The following PTK7 variants were observed in gnomAD, a reference collection of about 807,000 sequenced individuals.
PTK7 encodes the protein inactive tyrosine-protein kinase 7.
In PTK7, 39 loss-of-function variants were observed where a neutral mutation model predicts 116.6. The ratio of observed to expected loss-of-function variants is 0.33; its 90% CI spans 0.26 to 0.44. The LOEUF is 0.44. PTK7 is among the 20% of genes least tolerant of loss of function. The pLI, the probability that PTK7 is intolerant of heterozygous loss-of-function variation, is 1.00. For missense variants in PTK7, 1,169 were observed against 1,425.6 expected, an observed-to-expected ratio of 0.82 and a Z score of 2.90; for synonymous variants, 546 against 563.6, an observed-to-expected ratio of 0.97 and a Z score of 0.44.
chr6:43,097,143 T>C lies in PTK7; in HGVS notation c.79+20576T>C, dbSNP rs961504601. On this transcript the variant is annotated intron_variant, in intron 1 of 19. Transcript: ENST00000230419. ...TTTAGCCTCCTCCTGCGCGGTTGCTTGCATTTCTTCCTCTCCAGGGACCTT... is the reference window on the plus strand; with the variant it reads ...TTTAGCCTCCTCCTGCGCGGTTGCTCGCATTTCTTCCTCTCCAGGGACCTT... 7.2e-5 allele frequency among the ~76,000 whole-genome samples: 11 copies of C among 152,322 alleles called. No individual in the cohort carries two copies. In the South Asian group the frequency reaches 2.3e-3, roughly 32 times the overall value.
At position 43,159,855 on chromosome 6, in the gene PTK7, G is replaced by A; in HGVS notation, c.2941G>A (p.Gly981Ser). The change falls in exon 19 of 20, where the codon GGT becomes AGT. Residue 981 changes from glycine (G) to serine (S), a missense_variant. Around this residue, in one of 3 missense-constraint regions of PTK7, gnomAD observed 678 missense variants for 853.8 expected, o/e 0.79. Transcript: ENST00000230419. ...RWMSPEAILE[G>S]DFSTKSDVWA... Reference sequence around the variant, plus strand: ...GATGTCCCCCGAGGCCATCCTGGAGGGTGACTTCTCTACCAAGTCTGATGT... The same window carrying A: ...GATGTCCCCCGAGGCCATCCTGGAGAGTGACTTCTCTACCAAGTCTGATGT... 1.2e-6 allele frequency: 2 copies of A among 1,614,204 alleles called. No individual in the cohort carries two copies. The highest frequency in any genetic ancestry group is 1.1e-5 in the South Asian group (1 of 91,086).
chr6:43,160,262 C>T (rs147069044), intron 19 of PTK7, among the ~76,000 whole-genome samples: 8 of 152,206 alleles, frequency 5.3e-5, no homozygotes, highest in Non-Finnish European at 7.4e-5. Context: ...ATTACAGGCA[C>T]GCACCTCCAC....
intron 12 of PTK7, 36 bp from the exon 13 acceptor site, chr6:43,142,136 G>T (rs760733047): frequency 6.2e-7 from 1 of 1,611,758 alleles, no homozygotes; most frequent in Non-Finnish European, 8.5e-7. Context: ...CCCCCTCCCT[G>T]CGAGCTGGCC....
At chr6:43,116,651 T>C (rs7750518) in intron 1 of PTK7, among the ~76,000 whole-genome samples, 5,250 of 77,132 alleles carry the variant, frequency 0.068, 118 homozygotes, top group African/African-American at 0.11. Context: ...TGTGTGTGTG[T>C]GCGCGCGCAC....
At position 43,158,831 on chromosome 6, in the gene PTK7, C is replaced by T; in HGVS notation, c.2736C>T (p.Thr912=). Reference sequence around the variant, plus strand: ...TATCTCTCCAGGTGGCCCTATGCACCCAGGTAGCCCTGGGCATGGAGCACC... The same window carrying T: ...TATCTCTCCAGGTGGCCCTATGCACTCAGGTAGCCCTGGGCATGGAGCACC... ...LSTKQKVALC[T]QVALGMEHLS... is the part of the protein sequence containing the mutation. The change falls in exon 18 of 20, where the codon ACC becomes ACT. Residue 912 remains threonine (T), a synonymous_variant. Coordinates refer to ENST00000230419, the MANE Select transcript of PTK7 (RefSeq NM_002821.5). 1 of 1,614,028 alleles carries T rather than the reference C, an allele frequency of 6.2e-7. No homozygotes were observed. Among genetic ancestry groups the T allele is most frequent in the Non-Finnish European group, 8.5e-7 (1 of 1,179,954 alleles).
Position 43,154,019 on chromosome 6 carries a change from C to T in PTK7, c.2722-4798C>T, listed in dbSNP as rs541034699. 1.8e-3 allele frequency among the ~76,000 whole-genome samples: 273 copies of T among 152,058 alleles called. 1 individual carries two copies. Among genetic ancestry groups the T allele is most frequent in the Non-Finnish European group, 2.7e-3 (183 of 67,982 alleles). On this transcript the variant is annotated intron_variant, in intron 17 of 19. Coordinates refer to ENST00000230419, the MANE Select transcript of PTK7 (RefSeq NM_002821.5). ...TTCTACTAAAAATAAAAAAATTAGC[C>T]GTGCATGGTGGTGGGCACCTGTAAT...
chr6:43,141,879 C>A lies in PTK7; in HGVS notation c.1769-52C>A, dbSNP rs1770432373. On this transcript the variant is annotated intron_variant, in intron 11 of 19. Transcript: ENST00000230419. The surrounding 1 kb of genome is among the most constrained non-coding windows in gnomAD (Gnocchi z 4.9). Reference sequence around the variant, plus strand: ...CTCTGGGGTAGCACCGTGTACCCTGCCAGCCCCTTGGCTTACCCCTCCCTG... The same window carrying A: ...CTCTGGGGTAGCACCGTGTACCCTGACAGCCCCTTGGCTTACCCCTCCCTG... The A allele has an allele frequency of 6.3e-7, 1 of 1,597,036 alleles. No individual in the cohort carries two copies. Among genetic ancestry groups the A allele is most frequent in the Non-Finnish European group, 8.5e-7 (1 of 1,169,656 alleles).
At position 43,142,301 on chromosome 6, in the gene PTK7, T is replaced by C; in HGVS notation, c.2047+2T>C. The stretch of plus-strand genomic sequence containing the variant: ...CGGAGGCCCCCCTCTATGTCGTGGG[T>C]ATGGGCTGGGGAGGGTTATGCTGCA... On this transcript the variant is annotated splice_donor_variant, in intron 13 of 19. Coordinates refer to ENST00000230419, the MANE Select transcript of PTK7 (RefSeq NM_002821.5). LOFTEE classifies it high-confidence loss of function. The C allele has an allele frequency of 6.2e-7, 1 of 1,614,004 alleles. No individual in the cohort carries two copies.
intron 17 of PTK7, among the ~76,000 whole-genome samples, chr6:43,147,419 C>G (rs1435116858): frequency 6.6e-6 from 1 of 152,218 alleles, no homozygotes; most frequent in Non-Finnish European, 1.5e-5. Context: ...CCCTCAGGTT[C>G]TTCTTGCCCA....
At chr6:43,106,292 C>T (rs1474168302) in intron 1 of PTK7, among the ~76,000 whole-genome samples, 3 of 152,004 alleles carry the variant, frequency 2.0e-5, no homozygotes, top group Non-Finnish European at 2.9e-5. Flanking sequence ...TGCCAAGTCC[C>T]GTTCCTTTTT....
At chr6:43,094,375 G>A (rs780993966) in intron 1 of PTK7, among the ~76,000 whole-genome samples, 2 of 152,022 alleles carry the variant, frequency 1.3e-5, no homozygotes, top group Non-Finnish European at 2.9e-5. Context: ...TTGCTTTCTG[G>A]TTCATTTGAT....
chr6:43,154,359 A>C (rs1003884768), intron 17 of PTK7, among the ~76,000 whole-genome samples: 1 of 152,136 alleles, frequency 6.6e-6, no homozygotes, highest in South Asian at 2.1e-4. Flanking sequence ...AATTAAATTT[A>C]AATAGCCACA....
chr6:43,153,414 G>GT (rs1308336647), intron 17 of PTK7, among the ~76,000 whole-genome samples: 10 of 150,082 alleles, frequency 6.7e-5, no homozygotes, highest in African/African-American at 2.4e-4. Flanking sequence ...CACCCGGCCT[G>GT]TATTTTATTT....
At chr6:43,117,525 G>C (rs780416756) in intron 1 of PTK7, among the ~76,000 whole-genome samples, 2 of 152,160 alleles carry the variant, frequency 1.3e-5, no homozygotes, top group African/African-American at 2.4e-5. Flanking sequence ...ACAGATCCAG[G>C]GGCAGCTCCT....
At chr6:43,144,429 C>G in intron 14 of PTK7, 22 bp from the exon 15 acceptor site, 1 of 1,614,010 alleles carries the variant, frequency 6.2e-7, no homozygotes. Flanking sequence ...CATCGTGACG[C>G]TCTTGTCCTC....
intron 1 of PTK7, among the ~76,000 whole-genome samples, chr6:43,109,719 G>A (rs1310182976): frequency 7.0e-6 from 1 of 143,144 alleles, no homozygotes; most frequent in East Asian, 2.1e-4. Context: ...TTTTTTTTGA[G>A]ACAGAGTCTT....
chr6:43,117,712 G>T (rs1390968170), intron 1 of PTK7, among the ~76,000 whole-genome samples: 3 of 152,158 alleles, frequency 2.0e-5, no homozygotes, highest in African/African-American at 7.2e-5. Flanking sequence ...GGCCAAGGTG[G>T]GCAGATCACC....
intron 1 of PTK7, among the ~76,000 whole-genome samples, chr6:43,121,702 C>T (rs980638966): frequency 2.6e-5 from 4 of 152,142 alleles, no homozygotes; most frequent in Non-Finnish European, 5.9e-5. Flanking sequence ...TGGTGGTAGT[C>T]GGGGGAGACA....
At chr6:43,109,373 T>C (rs998867341) in intron 1 of PTK7, among the ~76,000 whole-genome samples, 28 of 151,912 alleles carry the variant, frequency 1.8e-4, no homozygotes, top group African/African-American at 6.5e-4. Flanking sequence ...CTGGACCTTT[T>C]GATGAGACCC....
Sources: gnomAD v4.1 joint callset for allele counts (sites outside exome capture counted in the v4.1 genomes callset) on GRCh38, gnomAD v4.1.1 for gene constraint, gnomAD v4.1.1 regional missense constraint, Gnocchi (gnomAD v3.1) non-coding constraint, MANE v1.5 for transcripts, NCBI Gene and HGNC (gene_info 2026-07-23, HGNC 2026-07-21) for gene names.